Variants in VTI1A observed in about 807,000 individuals in gnomAD.
VTI1A encodes the protein vesicle transport through interaction with t-SNAREs homolog 1A.
VTI1A carries 22 observed loss-of-function variants against 34.9 expected under a neutral mutation model. That is an observed-to-expected ratio of 0.63 (90% confidence interval 0.45 to 0.90). The LOEUF (loss-of-function observed/expected upper bound fraction) is 0.90, where lower values mean the gene tolerates loss of function less well. Among genes scored for constraint, VTI1A ranks in the 40% least tolerant of loss-of-function variants. VTI1A has a pLI of 0.00. For missense variants in VTI1A, 268 were observed against 275.6 expected, an observed-to-expected ratio of 0.97 and a Z score of 0.20; for synonymous variants, 87 against 97.3, an observed-to-expected ratio of 0.89 and a Z score of 0.62.
At chr10:112,499,097 A>G (rs1368881059) in intron 3 of VTI1A, among the ~76,000 whole-genome samples, 2 of 152,190 alleles carry the variant, frequency 1.3e-5, no homozygotes, top group African/African-American at 4.8e-5. Context: ...ACATTAGGTA[A>G]GGGGAGATAT....
At chr10:112,831,150 T>G in the VTI1A span, 1 of 152,020 alleles carries the variant, frequency 6.6e-6, no homozygotes, top group Non-Finnish European at 1.5e-5. Flanking sequence ...TGGCACATAG[T>G]GAGTTCTCAG....
At chr10:112,805,904 G>T (rs971167183) in intron 7 of VTI1A, among the ~76,000 whole-genome samples, 1 of 152,184 alleles carries the variant, frequency 6.6e-6, no homozygotes, top group African/African-American at 2.4e-5. Flanking sequence ...TGTTGAAGCC[G>T]CCCAGTCTGT....
At chr10:112,650,298 A>G (rs1415856159) in intron 5 of VTI1A, among the ~76,000 whole-genome samples, 2 of 152,134 alleles carry the variant, frequency 1.3e-5, no homozygotes, top group Non-Finnish European at 2.9e-5. Flanking sequence ...AAGCCTACAC[A>G]TGGTCAGGAT....
At chr10:112,490,026 A>G (rs186262036) in intron 3 of VTI1A, among the ~76,000 whole-genome samples, 2 of 152,244 alleles carry the variant, frequency 1.3e-5, no homozygotes, top group Admixed American at 6.5e-5. Flanking sequence ...GTTCTTTTTA[A>G]CTCTCTATTA....
intron 5 of VTI1A, among the ~76,000 whole-genome samples, chr10:112,649,831 A>G (rs1201113824): frequency 6.6e-6 from 1 of 152,192 alleles, no homozygotes; most frequent in Admixed American, 6.5e-5. Context: ...TATGGTAAGG[A>G]CTTGTATATT....
chr10:112,602,677 C>A (rs1195623711), intron 5 of VTI1A, among the ~76,000 whole-genome samples: 3 of 152,292 alleles, frequency 2.0e-5, no homozygotes, highest in African/African-American at 7.2e-5. Context: ...TACTATCAGG[C>A]AGCCTTTAGG....
At chr10:112,746,982 G>C (rs1850918987) in intron 7 of VTI1A, among the ~76,000 whole-genome samples, 2 of 152,184 alleles carry the variant, frequency 1.3e-5, no homozygotes, top group Non-Finnish European at 2.9e-5. Flanking sequence ...TCAATTTACA[G>C]ATGAAGACAG....
In VTI1A at chr10:112,785,358, ACT is replaced by A. The variant is rs1196026651; in HGVS notation, c.561-29929_561-29928del. On this transcript the variant is annotated intron_variant, in intron 7 of 7. Transcript: ENST00000393077. ...CAAAGGCAGCTCTGGAGCTTGTAAG[ACT>A]CTGCTACAAAGCCATAGAGGGGCTT... Among the ~76,000 whole-genome samples, 5 of 152,010 alleles carry A rather than the reference ACT, an allele frequency of 3.3e-5. No individual in the cohort carries two copies. In the East Asian group the frequency reaches 9.7e-4, roughly 29 times the overall value.
At chr10:112,601,459 A>C (rs190207423) in intron 5 of VTI1A, among the ~76,000 whole-genome samples, 1 of 147,634 alleles carries the variant, frequency 6.8e-6, no homozygotes, top group Admixed American at 6.8e-5. Flanking sequence ...GACTATTTCT[A>C]TGGGGAATCT....
chr10:112,568,874 G>A (rs78816268), intron 5 of VTI1A, among the ~76,000 whole-genome samples: 7,256 of 152,172 alleles, frequency 0.048, 343 homozygotes, highest in African/African-American at 0.13. Context: ...GTGAAACTCA[G>A]CTGGGCGCGG....
rs193235618 is a variant in VTI1A, at chr10:112,781,611, C to T, written c.561-33679C>T. 3.4e-3 allele frequency among the ~76,000 whole-genome samples: 518 copies of T among 151,924 alleles called. 3 individuals carry two copies. Among genetic ancestry groups the T allele is most frequent in the African/African-American group, 0.011 (475 of 41,478 alleles). ...ATCCCAGCACTTTGGGAGGCTGAGG[C>T]GGGTGGATCACTTGAGGTCAGGAGT... On this transcript the variant is annotated intron_variant, in intron 7 of 7. Transcript: ENST00000393077.
chr10:112,692,842 C>T (rs1003960497), intron 7 of VTI1A, among the ~76,000 whole-genome samples: 1 of 152,258 alleles, frequency 6.6e-6, no homozygotes, highest in Non-Finnish European at 1.5e-5. Context: ...CACTGCTGCA[C>T]TGGCCTTGGC....
intron 7 of VTI1A, among the ~76,000 whole-genome samples, chr10:112,733,203 GATTTTTT>G (rs988680409): frequency 4.5e-4 from 68 of 152,014 alleles, no homozygotes; most frequent in Non-Finnish European, 9.0e-4. Context: ...TTTTTGGTTT[GATTTTTT>G]ATTTTTTATT....
chr10:112,494,918 C>T (rs1848958957), intron 3 of VTI1A, among the ~76,000 whole-genome samples: 1 of 152,102 alleles, frequency 6.6e-6, no homozygotes, highest in Admixed American at 6.5e-5. Context: ...TATATTATTA[C>T]CCAGATTAAT....
In VTI1A at chr10:112,470,375, G is replaced by T. The variant is rs1038998971; in HGVS notation, c.264+5718G>T. On this transcript the variant is annotated intron_variant, in intron 3 of 7. Coordinates refer to ENST00000393077, the MANE Select transcript of VTI1A (RefSeq NM_145206.4). ...GTGTGCGTAAGTACAGGGGCCACAC[G>T]CAAAGTAAGAGACTCAAAGTAGGGC... Among the ~76,000 whole-genome samples the T allele has an allele frequency of 4.6e-5, 7 of 152,146 alleles. No homozygotes were observed. In the South Asian group the frequency reaches 6.2e-4, roughly 13 times the overall value.
chr10:112,784,244 C>A (rs1001126874), intron 7 of VTI1A, among the ~76,000 whole-genome samples: 1 of 152,102 alleles, frequency 6.6e-6, no homozygotes, highest in African/African-American at 2.4e-5. Context: ...GCAAATCTGC[C>A]GGTATATTCC....
At chr10:112,586,104 T>G (rs1844145707) in intron 5 of VTI1A, among the ~76,000 whole-genome samples, 1 of 150,938 alleles carries the variant, frequency 6.6e-6, no homozygotes, top group South Asian at 2.1e-4. Context: ...GACTTTGCTC[T>G]TTATGGCTAA....
chr10:112,620,645 CT>C (rs1456078233), intron 5 of VTI1A, among the ~76,000 whole-genome samples: 1 of 151,974 alleles, frequency 6.6e-6, no homozygotes, highest in Non-Finnish European at 1.5e-5. Flanking sequence ...CAAAAATAAG[CT>C]GGGCATGGTG....
intron 5 of VTI1A, among the ~76,000 whole-genome samples, chr10:112,651,064 A>C (rs1298432097): frequency 6.6e-6 from 1 of 152,160 alleles, no homozygotes; most frequent in Non-Finnish European, 1.5e-5. Flanking sequence ...ATTATAAGTA[A>C]TGCTGTGTGG....
Sources: allele counts gnomAD v4.1 joint callset (sites outside exome capture counted in the v4.1 genomes callset), GRCh38; gene constraint gnomAD v4.1.1; transcripts MANE v1.5; gene names NCBI Gene and HGNC (gene_info 2026-07-23, HGNC 2026-07-21).